Variants in ZC3H11A observed in about 807,000 individuals in gnomAD.
ZC3H11A encodes zinc finger CCCH-type containing 11A.
Under a neutral mutation model 90.8 loss-of-function variants are expected in ZC3H11A, and 22 were observed. The ratio of observed to expected loss-of-function variants is 0.24; its 90% confidence interval spans 0.17 to 0.35. The LOEUF (loss-of-function observed/expected upper bound fraction) is 0.35, where lower values mean the gene tolerates loss of function less well. Among genes scored for constraint, ZC3H11A ranks in the 10% least tolerant of loss-of-function variants. ZC3H11A has a pLI of 1.00. For missense variants in ZC3H11A, 701 were observed against 964.9 expected (o/e 0.73, Z 3.62); for synonymous variants, 294 against 339.8 (o/e 0.87, Z 1.48).
chr1:203,804,669 C>G lies in ZC3H11A; in HGVS notation c.-146+1653C>G, dbSNP rs200898501. Among the ~76,000 whole-genome samples, 3 of 147,488 alleles carry G rather than the reference C, an allele frequency of 2.0e-5. No individual in the cohort carries two copies. The East Asian group carries it at 6.3e-4, about 31-fold the overall frequency. On this transcript the variant is annotated intron_variant, in intron 2 of 17. Coordinates refer to ENST00000367210, the MANE Select transcript of ZC3H11A (RefSeq NM_001376342.1). ...GGTTCTGGATTTTTTTCTTTTTTGCCTCATCTTTTTTTTTTTTTTTGATAT... is the reference window on the plus strand; with the variant it reads ...GGTTCTGGATTTTTTTCTTTTTTGCGTCATCTTTTTTTTTTTTTTTGATAT...
rs545696135 is a variant in ZC3H11A at position 203,816,747 on chromosome 1, A to G, written c.-145-179A>G. Among the ~76,000 whole-genome samples the G allele has an allele frequency of 3.3e-5, 5 of 152,324 alleles. No individual in the cohort carries two copies. The East Asian group carries it at 9.6e-4, about 29-fold the overall frequency. On this transcript the variant is annotated intron_variant, in intron 2 of 17. Transcript: ENST00000367210. ...AAGAAGGGCATGGCCTTTCTAGTCA[A>G]AATTTTACATTGTAGATGGGAATGT...
intron 11 of ZC3H11A, among the ~76,000 whole-genome samples, chr1:203,838,619 A>G (rs1685101154): frequency 6.6e-6 from 1 of 152,198 alleles, no homozygotes; most frequent in African/African-American, 2.4e-5. Context: ...CATGTTAGAA[A>G]GTTTGGACTT....
chr1:203,849,826 C>G lies in ZC3H11A; in HGVS notation c.1739C>G (p.Pro580Arg). ...QQEREKSVLT[P>R]LRGDVASCNT... ...GAGAGGGAAAAATCAGTCTTGACAC[C>G]TCTTCGGGGAGATGTAGCCTCTTGC... The change falls in exon 15 of 18, where the codon CCT (proline) becomes CGT (arginine). Residue 580 changes from proline to arginine, a missense_variant. Coordinates refer to ENST00000367210, the MANE Select transcript of ZC3H11A (RefSeq NM_001376342.1). 6.2e-7 allele frequency: 1 copy of G among 1,613,960 alleles called. No individual in the cohort carries two copies. Among genetic ancestry groups the G allele is most frequent in the Admixed American group, 1.7e-5 (1 of 60,006 alleles).
intron 1 of ZC3H11A, chr1:203,798,696 A>T: frequency 1.3e-6 from 2 of 1,536,122 alleles, no homozygotes; most frequent in Non-Finnish European, 1.7e-6. Flanking sequence ...AGGCACTCTG[A>T]TGCGTGCGCA....
chr1:203,833,716 C>G (rs1683262573), intron 9 of ZC3H11A, 75 bp from the exon 10 acceptor site: 2 of 1,199,522 alleles, frequency 1.7e-6, no homozygotes, highest in Admixed American at 5.0e-5. Context: ...TCAGAACATA[C>G]TTTGTACCCA....
Position 203,841,911 on chromosome 1 carries a change from C to T in ZC3H11A, c.1042+1537C>T, listed in dbSNP as rs1431250921. ...GGCGGCCGGGCAGAGACGCTCCTCACCTCCCAGATGGGGTGGCGGTCGGGC... is the reference window on the plus strand; with the variant it reads ...GGCGGCCGGGCAGAGACGCTCCTCATCTCCCAGATGGGGTGGCGGTCGGGC... On this transcript the variant is annotated intron_variant, in intron 12 of 17. Transcript: ENST00000367210. Among the ~76,000 whole-genome samples, 3 of 149,944 alleles carry T rather than the reference C, an allele frequency of 2.0e-5. No individual in the cohort carries two copies. The East Asian group carries it at 6.0e-4, about 30-fold the overall frequency.
chr1:203,836,579 A>G (rs1684415461), intron 10 of ZC3H11A, among the ~76,000 whole-genome samples: 1 of 152,160 alleles, frequency 6.6e-6, no homozygotes, highest in Non-Finnish European at 1.5e-5. Context: ...GAAACTACTA[A>G]AAATACAAAC....
intron 2 of ZC3H11A, among the ~76,000 whole-genome samples, chr1:203,814,530 A>G (rs961506152): frequency 5.3e-5 from 8 of 152,136 alleles, no homozygotes; most frequent in Non-Finnish European, 8.8e-5. Flanking sequence ...TCTCAAAGAA[A>G]AAAAAAAGAA....
Position 203,797,619 on chromosome 1 carries a change from A to G in ZC3H11A, c.-1588+1825A>G, listed in dbSNP as rs556654526. The G allele has an allele frequency of 1.3e-4, 198 of 1,535,948 alleles. No individual in the cohort carries two copies. Among genetic ancestry groups the G allele is most frequent in the African/African-American group, 1.6e-4 (12 of 73,156 alleles). On this transcript the variant is annotated intron_variant, in intron 1 of 17. Coordinates refer to ENST00000367210, the MANE Select transcript of ZC3H11A (RefSeq NM_001376342.1). ...TTCTGGGATTCTGGGATGTGTTCCT[A>G]TTAATTCTAATACAGATGAAGAAGA...
In ZC3H11A at chr1:203,811,750, C is replaced by CT. The variant is rs201861099; in HGVS notation, c.-145-5169dup. Among the ~76,000 whole-genome samples, 1,232 of 150,314 alleles carry CT rather than the reference C, an allele frequency of 8.2e-3. 28 individuals are homozygous for CT. Among genetic ancestry groups the CT allele is most frequent in the African/African-American group, 0.028 (1,165 of 40,986 alleles). On this transcript the variant is annotated intron_variant, in intron 2 of 17. Coordinates refer to ENST00000367210, the MANE Select transcript of ZC3H11A (RefSeq NM_001376342.1). ...GTCTTGAACTCTTGACCTCAAATGA[C>CT]TTTTTTTATTATTAAACTTTTTCCT... is the stretch of plus-strand genomic sequence containing the variant.
chr1:203,839,281 G>A (rs1685341043), intron 11 of ZC3H11A, among the ~76,000 whole-genome samples: 1 of 152,180 alleles, frequency 6.6e-6, no homozygotes, highest in Non-Finnish European at 1.5e-5. Flanking sequence ...CTGGCCTCAA[G>A]CCATCCTTCT....
intron 14 of ZC3H11A, 151 bp from the exon 15 acceptor site, chr1:203,849,560 G>A: frequency 1.3e-6 from 1 of 752,446 alleles, no homozygotes; most frequent in South Asian, 1.8e-5. Flanking sequence ...CTTTAACAGG[G>A]TATTGTCTAT....
chr1:203,851,144 T>G lies in ZC3H11A; in HGVS notation c.2174+20T>G. 1 of 1,612,852 alleles carries G rather than the reference T, an allele frequency of 6.2e-7. No individual in the cohort carries two copies. ...AGACAGGTAATACTTTGTAATTCTT[T>G]CTAAACAAACTCCAGGCCCCTGTTA... On this transcript the variant is annotated intron_variant, in intron 17 of 17. Transcript: ENST00000367210.
At chr1:203,799,261 A>G (rs1396042176) in intron 1 of ZC3H11A, 4 of 763,316 alleles carry the variant, frequency 5.2e-6, no homozygotes, top group South Asian at 1.5e-5. Context: ...GGTTTTACCC[A>G]TGTGCCATGC....
intron 9 of ZC3H11A, 29 bp from the exon 10 acceptor site, chr1:203,833,762 A>G (rs200756419): frequency 1.2e-6 from 2 of 1,600,142 alleles, no homozygotes; most frequent in Middle Eastern, 1.7e-4. Context: ...TTGACTAAGG[A>G]TAGAGAAATT....
At chr1:203,806,939 A>ATT (rs11402411) in intron 2 of ZC3H11A, among the ~76,000 whole-genome samples, 1 of 148,508 alleles carries the variant, frequency 6.7e-6, no homozygotes, top group East Asian at 2.0e-4. Context: ...TTACTACAGG[A>ATT]TTTTTTTTGT....
intron 11 of ZC3H11A, 122 bp downstream of exon 11, chr1:203,838,186 AT>A: frequency 1.1e-6 from 1 of 921,296 alleles, no homozygotes; most frequent in Non-Finnish European, 1.6e-6. Context: ...TATTTGTTAT[AT>A]TATTCACTCA....
intron 1 of ZC3H11A, chr1:203,799,379 G>C: frequency 1.4e-6 from 1 of 703,466 alleles, no homozygotes; most frequent in African/African-American, 1.7e-5. Flanking sequence ...TTAGTCATTC[G>C]GTCAAGGCCC....
At chr1:203,814,232 A>G (rs1675476681) in intron 2 of ZC3H11A, among the ~76,000 whole-genome samples, 1 of 152,148 alleles carries the variant, frequency 6.6e-6, no homozygotes, top group Non-Finnish European at 1.5e-5. Context: ...TTTTAACAGG[A>G]ATAACCTTTC....
Sources: allele counts gnomAD v4.1 joint callset (sites outside exome capture counted in the v4.1 genomes callset), GRCh38; gene constraint gnomAD v4.1.1; transcripts MANE v1.5; gene names NCBI Gene and HGNC (gene_info 2026-07-23, HGNC 2026-07-21).